Variants in MACROD2 observed in about 807,000 individuals in gnomAD.
MACROD2 encodes the protein ADP-ribose glycohydrolase MACROD2.
Under a neutral mutation model 70.4 loss-of-function variants are expected in MACROD2, and 36 were observed. That is an observed-to-expected ratio of 0.51 (90% CI 0.39 to 0.68). The LOEUF (loss-of-function observed/expected upper bound fraction) is 0.68, where lower values mean the gene tolerates loss of function less well. MACROD2 is among the 30% of genes least tolerant of loss of function. The pLI, the probability that MACROD2 is intolerant of heterozygous loss-of-function variation, is 0.00. For synonymous variants in MACROD2, 172 were observed against 178.8 expected (o/e 0.96, Z 0.30); for missense variants, 496 against 538.4 (o/e 0.92, Z 0.78).
At chr20:14,723,713 T>C (rs2071495901) in intron 5 of MACROD2, among the ~76,000 whole-genome samples, 1 of 151,906 alleles carries the variant, frequency 6.6e-6, no homozygotes, top group African/African-American at 2.4e-5. Context: ...TTATTTCTAT[T>C]TGGTGCTATT....
chr20:14,719,547 G>C (rs1259580763), intron 5 of MACROD2, among the ~76,000 whole-genome samples: 2 of 151,722 alleles, frequency 1.3e-5, no homozygotes, highest in Admixed American at 1.3e-4. Context: ...TTGCAAACAT[G>C]GGGGCCTGAT....
At chr20:15,900,746 T>C (rs953650685) in intron 10 of MACROD2, among the ~76,000 whole-genome samples, 2 of 152,188 alleles carry the variant, frequency 1.3e-5, no homozygotes, top group Non-Finnish European at 1.5e-5. Flanking sequence ...TGATAACATA[T>C]ATGGACCCTC....
intron 3 of MACROD2, among the ~76,000 whole-genome samples, chr20:14,117,930 A>G (rs958657469): frequency 6.6e-6 from 1 of 152,160 alleles, no homozygotes; most frequent in Non-Finnish European, 1.5e-5. Context: ...TTTTACTTCC[A>G]TGACTAGGTT....
chr20:14,321,319 T>C (rs779030366), intron 3 of MACROD2, among the ~76,000 whole-genome samples: 24 of 152,054 alleles, frequency 1.6e-4, no homozygotes, highest in Middle Eastern at 3.4e-3. Context: ...GAGCCAAGAT[T>C]GTGCCACTGC....
At chr20:14,227,310 T>C (rs2181530) in intron 3 of MACROD2, among the ~76,000 whole-genome samples, 147,478 of 152,190 alleles carry the variant, frequency 0.97, 71,474 homozygotes, top group Admixed American at 0.99. Flanking sequence ...GGGTCCCCTT[T>C]CACATGGTGG....
chr20:14,819,278 A>G (rs927140489), intron 5 of MACROD2, among the ~76,000 whole-genome samples: 4 of 151,774 alleles, frequency 2.6e-5, no homozygotes. Context: ...AAACAACAAA[A>G]AACAAAAACA....
At chr20:14,696,330 C>T (rs1600552182) in intron 5 of MACROD2, among the ~76,000 whole-genome samples, 3 of 152,134 alleles carry the variant, frequency 2.0e-5, no homozygotes, top group East Asian at 3.9e-4. Context: ...CTAGTCTTTA[C>T]CTTTGCCACT....
At chr20:15,197,960 C>CTTT (rs56284199) in intron 5 of MACROD2, among the ~76,000 whole-genome samples, 2,081 of 118,626 alleles carry the variant, frequency 0.018, 99 homozygotes, top group Non-Finnish European at 0.02. Context: ...GCCTGGCCTC[C>CTTT]TTTTTTTTTT....
rs760189452 is a variant in MACROD2 at position 15,148,169 on chromosome 20, C to T, written c.419-81771C>T. On this transcript the variant is annotated intron_variant, in intron 5 of 17. Coordinates refer to ENST00000684519, the MANE Select transcript of MACROD2 (RefSeq NM_001351661.2). ...CGATGTTTCTCAGGGCTGCTTCGAGCGGGATTAGGGGCGGTGTGGGAGCCT... is the reference window on the plus strand; with the variant it reads ...CGATGTTTCTCAGGGCTGCTTCGAGTGGGATTAGGGGCGGTGTGGGAGCCT... 1.4e-4 allele frequency among the ~76,000 whole-genome samples: 21 copies of T among 151,516 alleles called. 1 individual carries two copies. Among genetic ancestry groups the T allele is most frequent in the Middle Eastern group, 3.4e-3 (1 of 290 alleles).
chr20:15,111,028 T>C (rs1210956555), intron 5 of MACROD2, among the ~76,000 whole-genome samples: 1 of 152,204 alleles, frequency 6.6e-6, no homozygotes, highest in African/African-American at 2.4e-5. Flanking sequence ...TTTTTGAGAA[T>C]ATGAAGTCAC....
chr20:15,081,327 T>A (rs1388635423), intron 5 of MACROD2, among the ~76,000 whole-genome samples: 5 of 152,172 alleles, frequency 3.3e-5, no homozygotes, highest in Non-Finnish European at 5.9e-5. Flanking sequence ...TGACAGAGAT[T>A]TTTATGGGAT....
At chr20:15,460,157 C>T (rs1332611184) in intron 7 of MACROD2, among the ~76,000 whole-genome samples, 1 of 152,166 alleles carries the variant, frequency 6.6e-6, no homozygotes, top group Non-Finnish European at 1.5e-5. Flanking sequence ...TTCAGCCACT[C>T]TACTCCCGTT....
chr20:15,741,058 T>A (rs1291093581), intron 8 of MACROD2, among the ~76,000 whole-genome samples: 2 of 151,758 alleles, frequency 1.3e-5, no homozygotes, highest in Non-Finnish European at 2.9e-5. Flanking sequence ...GAAGAACTCC[T>A]TGCAATGGTC....
chr20:15,775,741 TC>T (rs1414689033), intron 8 of MACROD2, among the ~76,000 whole-genome samples: 1 of 152,256 alleles, frequency 6.6e-6, no homozygotes, highest in East Asian at 1.9e-4. Context: ...TCTCAGGATA[TC>T]CTGAAGAAAT....
chr20:15,601,865 A>G (rs528303772), intron 8 of MACROD2, among the ~76,000 whole-genome samples: 2 of 152,164 alleles, frequency 1.3e-5, no homozygotes, highest in South Asian at 4.2e-4. Context: ...TGTCTCTACT[A>G]AAAATACAAA....
intron 3 of MACROD2, among the ~76,000 whole-genome samples, chr20:14,149,186 C>T (rs1434060648): frequency 8.5e-6 from 1 of 118,202 alleles, no homozygotes; most frequent in Non-Finnish European, 2.0e-5. Context: ...TCTATAAGTA[C>T]CCAATGTTTT....
chr20:14,042,883 T>C (rs2148641197), intron 2 of MACROD2, among the ~76,000 whole-genome samples: 1 of 151,868 alleles, frequency 6.6e-6, no homozygotes, highest in African/African-American at 2.4e-5. Flanking sequence ...AAACTGCCCA[T>C]TACTCCTGAT....
chr20:14,728,682 T>TA lies in MACROD2; in HGVS notation c.418+43730dup, dbSNP rs562823163. Among the ~76,000 whole-genome samples the TA allele has an allele frequency of 2.2e-3, 332 of 152,306 alleles. 1 individual carries two copies. The highest frequency in any genetic ancestry group is 0.01 in the Middle Eastern group (3 of 294). On this transcript the variant is annotated intron_variant, in intron 5 of 17. Transcript: ENST00000684519. ...TTCAGTTTTGTAAAGTTTATTTATT[T>TA]AAAAAAATTAGTTCAGTGTTTCATT...
intron 4 of MACROD2, among the ~76,000 whole-genome samples, chr20:14,649,145 C>T (rs1249817300): frequency 6.6e-6 from 1 of 152,122 alleles, no homozygotes; most frequent in African/African-American, 2.4e-5. Flanking sequence ...AGAAATTACT[C>T]CTTGGGACAT....
Sources: gnomAD v4.1 joint callset for allele counts (sites outside exome capture counted in the v4.1 genomes callset) on GRCh38, gnomAD v4.1.1 for gene constraint, MANE v1.5 for transcripts, NCBI Gene and HGNC (gene_info 2026-07-23, HGNC 2026-07-21) for gene names.